CNTN6: variants seen among roughly 807,000 people sequenced by gnomAD.
CNTN6 encodes the protein contactin-6.
A neutral mutation model predicts 122.8 loss-of-function variants in CNTN6; 137 were observed. The ratio of observed to expected loss-of-function variants is 1.12; its 90% CI spans 0.97 to 1.29. CNTN6 has a LOEUF of 1.29. CNTN6 is among the 50% of genes most tolerant of loss of function. CNTN6 has a pLI of 0.00. For missense variants in CNTN6, 1,634 were observed against 1,223.4 expected, an observed-to-expected ratio of 1.34 and a Z score of -5.01; for synonymous variants, 570 against 426.0, an observed-to-expected ratio of 1.34 and a Z score of -4.16.
intron 3 of CNTN6, among the ~76,000 whole-genome samples, chr3:1,223,129 G>A (rs1458789641): frequency 6.6e-6 from 1 of 152,100 alleles, no homozygotes; most frequent in Admixed American, 6.6e-5. Flanking sequence ...GTGTGTGTGT[G>A]CATGTGTGTC....
intron 1 of CNTN6, among the ~76,000 whole-genome samples, chr3:1,120,350 G>A (rs943345472): frequency 1.3e-5 from 2 of 151,742 alleles, no homozygotes; most frequent in Non-Finnish European, 2.9e-5. Flanking sequence ...GTTCTACCTC[G>A]TCATCAGTGT....
intron 11 of CNTN6, among the ~76,000 whole-genome samples, chr3:1,344,776 C>T (rs1704414180): frequency 1.3e-5 from 2 of 152,090 alleles, no homozygotes; most frequent in South Asian, 4.1e-4. Context: ...TTTAACAGTC[C>T]TTTCTATAAA....
chr3:1,179,330 T>C (rs1486611631), intron 2 of CNTN6, among the ~76,000 whole-genome samples: 2 of 152,146 alleles, frequency 1.3e-5, no homozygotes, highest in African/African-American at 4.8e-5. Flanking sequence ...ATCCAAACTA[T>C]ATCAATCTCG....
intron 2 of CNTN6, among the ~76,000 whole-genome samples, chr3:1,219,438 G>T (rs2125515625): frequency 6.6e-6 from 1 of 152,242 alleles, no homozygotes; most frequent in Admixed American, 6.5e-5. Flanking sequence ...GTACTTGCTG[G>T]CTGGGAGAAG....
At chr3:1,094,347 T>A (rs1366143483) in intron 1 of CNTN6, among the ~76,000 whole-genome samples, 3 of 152,070 alleles carry the variant, frequency 2.0e-5, no homozygotes. Flanking sequence ...TTACACAATT[T>A]GTGTAAAAAA....
At chr3:1,200,386 C>T (rs887681548) in intron 2 of CNTN6, among the ~76,000 whole-genome samples, 4 of 152,108 alleles carry the variant, frequency 2.6e-5, no homozygotes, top group African/African-American at 2.4e-5. Flanking sequence ...CTGAGCACTG[C>T]GTGGGCTTAG....
At chr3:1,239,481 T>G (rs1047712794) in intron 4 of CNTN6, among the ~76,000 whole-genome samples, 4 of 152,106 alleles carry the variant, frequency 2.6e-5, no homozygotes, top group African/African-American at 9.7e-5. Flanking sequence ...GTGAAAGACC[T>G]CTACAAGGAA....
intron 2 of CNTN6, among the ~76,000 whole-genome samples, chr3:1,165,321 C>T (rs572840995): frequency 6.6e-6 from 1 of 152,142 alleles, no homozygotes; most frequent in Non-Finnish European, 1.5e-5. Flanking sequence ...TTATCAGCCC[C>T]ACTCTTCCTC....
At chr3:1,383,433 G>A in intron 19 of CNTN6, 25 bp downstream of exon 19, 4 of 1,577,146 alleles carry the variant, frequency 2.5e-6, no homozygotes, top group Non-Finnish European at 3.5e-6. Flanking sequence ...TTTCACTTTT[G>A]CTTATGAATG....
At chr3:1,174,893 G>A (rs568051299) in intron 2 of CNTN6, among the ~76,000 whole-genome samples, 18 of 152,222 alleles carry the variant, frequency 1.2e-4, no homozygotes, top group African/African-American at 2.6e-4. Context: ...CCACACACGC[G>A]TGTGCACACA....
chr3:1,217,003 T>G (rs1207386707), intron 2 of CNTN6, among the ~76,000 whole-genome samples: 2 of 152,224 alleles, frequency 1.3e-5, no homozygotes, highest in African/African-American at 4.8e-5. Context: ...TTGTCATAAT[T>G]TGATGACTAT....
At chr3:1,258,571 T>C (rs555929186) in intron 4 of CNTN6, among the ~76,000 whole-genome samples, 4 of 152,058 alleles carry the variant, frequency 2.6e-5, no homozygotes, top group Non-Finnish European at 5.9e-5. Flanking sequence ...ATACCTTTAA[T>C]AAAAAAGCGT....
At chr3:1,293,904 T>C (rs759234223) in intron 5 of CNTN6, among the ~76,000 whole-genome samples, 5 of 152,196 alleles carry the variant, frequency 3.3e-5, no homozygotes, top group Non-Finnish European at 5.9e-5. Flanking sequence ...TTAATACATA[T>C]GAATATTTGC....
intron 1 of CNTN6, among the ~76,000 whole-genome samples, chr3:1,095,317 A>G (rs1308206729): frequency 6.6e-6 from 1 of 152,058 alleles, no homozygotes; most frequent in East Asian, 1.9e-4. Context: ...CTAAAAATAC[A>G]AAAATTAGCT....
intron 2 of CNTN6, among the ~76,000 whole-genome samples, chr3:1,167,776 A>G (rs1019931432): frequency 5.3e-5 from 8 of 152,186 alleles, no homozygotes; most frequent in Non-Finnish European, 1.0e-4. Flanking sequence ...TAGCTGCTAG[A>G]TTCAACCGCT....
At chr3:1,377,208 G>T in intron 17 of CNTN6, 133 bp downstream of exon 17, 1 of 548,608 alleles carries the variant, frequency 1.8e-6, no homozygotes, top group East Asian at 3.1e-5. Flanking sequence ...ACATCATCCT[G>T]ATGATGAATT....
At chr3:1,203,846 A>T (rs4684081) in intron 2 of CNTN6, among the ~76,000 whole-genome samples, 52,625 of 152,148 alleles carry the variant, frequency 0.35, 9,675 homozygotes, top group African/African-American at 0.48. Flanking sequence ...GATGGTGGTA[A>T]CTTAGGATTA....
Position 1,105,628 on chromosome 3 carries a change from T to C in CNTN6, c.-83+12508T>C, listed in dbSNP as rs551985559. Among the ~76,000 whole-genome samples, 20 of 152,296 alleles carry C rather than the reference T, an allele frequency of 1.3e-4. No homozygotes were observed. In the South Asian group the frequency reaches 3.9e-3, roughly 30 times the overall value. ...ATGTTTCTAAATGTATTTTTATAGC[T>C]ACAAGTGATATAAAGTTATTGTTCT... On this transcript the variant is annotated intron_variant, in intron 1 of 22. Transcript: ENST00000446702.
intron 2 of CNTN6, among the ~76,000 whole-genome samples, chr3:1,186,034 T>C (rs973636257): frequency 1.3e-5 from 2 of 152,176 alleles, no homozygotes; most frequent in Non-Finnish European, 2.9e-5. Context: ...AAAGGGAATA[T>C]AAATGTGATT....
Sources: gnomAD v4.1 joint callset for allele counts (sites outside exome capture counted in the v4.1 genomes callset) on GRCh38, gnomAD v4.1.1 for gene constraint, MANE v1.5 for transcripts, NCBI Gene and HGNC (gene_info 2026-07-23, HGNC 2026-07-21) for gene names.